Variants in ESPNL observed in about 807,000 individuals in gnomAD.
ESPNL encodes espin like, also known as espin-like protein.
ESPNL carries 49 observed loss-of-function variants against 46.8 expected under a neutral mutation model. The ratio of observed to expected loss-of-function variants is 1.05; its 90% CI spans 0.83 to 1.33. ESPNL has a LOEUF of 1.33. Ranked by LOEUF, ESPNL falls within the 40% of genes most tolerant of loss-of-function variation. ESPNL has a pLI of 0.00. For missense variants in ESPNL, 1,540 were observed against 1,436.6 expected, an observed-to-expected ratio of 1.07 and a Z score of -1.16; for synonymous variants, 664 against 662.1, an observed-to-expected ratio of 1.00 and a Z score of -0.04.
intron 8 of ESPNL, among the ~76,000 whole-genome samples, chr2:238,129,633 A>G (rs544192404): frequency 2.0e-5 from 3 of 152,360 alleles, no homozygotes; most frequent in Admixed American, 6.5e-5. Context: ...GAGTTCAGGA[A>G]TTATGTCCTC....
chr2:238,130,000 T>C, intron 8 of ESPNL, 128 bp from the exon 9 acceptor site: 1 of 1,090,936 alleles, frequency 9.2e-7, no homozygotes, highest in Non-Finnish European at 1.3e-6. Context: ...GGAAGCCCTT[T>C]AAAGTCTTAC....
chr2:238,108,657 G>A (rs1691654367), intron 4 of ESPNL, among the ~76,000 whole-genome samples: 1 of 152,158 alleles, frequency 6.6e-6, no homozygotes, highest in South Asian at 2.1e-4. Flanking sequence ...AGCCTCCTGG[G>A]CCCAGGCTGC....
At chr2:238,111,172 C>T (rs1160783972) in intron 4 of ESPNL, among the ~76,000 whole-genome samples, 1 of 152,074 alleles carries the variant, frequency 6.6e-6, no homozygotes, top group Admixed American at 6.6e-5. Context: ...AATGATCCGC[C>T]CACCTCGGCC....
At chr2:238,126,527 C>A (rs1462976197) in intron 6 of ESPNL, among the ~76,000 whole-genome samples, 1 of 147,394 alleles carries the variant, frequency 6.8e-6, no homozygotes, top group Non-Finnish European at 1.5e-5. Flanking sequence ...GTCTATGCAT[C>A]TGTGTGTGAT....
Position 238,104,669 on chromosome 2 carries a change from C to G in ESPNL, c.499C>G (p.Arg167Gly). ...CCTTCCCTGCAGCAGCGTGAACCGGCGGACACGCAGTGGCGCCTCCCCACT... is the reference window on the plus strand; with the variant it reads ...CCTTCCCTGCAGCAGCGTGAACCGGGGGACACGCAGTGGCGCCTCCCCACT... ...TAAHGSSVNR[R>G]TRSGASPLYL... The change falls in exon 3 of 9, where the codon CGG (arginine) becomes GGG (glycine). Residue 167 changes from arginine to glycine, a missense_variant. Physicochemically the swap from Arg to Gly is moderately radical, Grantham distance 125. Coordinates refer to ENST00000343063, the MANE Select transcript of ESPNL (RefSeq NM_194312.4). The G allele has an allele frequency of 6.3e-7, 1 of 1,594,176 alleles. No homozygotes were observed.
chr2:238,128,103 T>C (rs1692182305), intron 7 of ESPNL, among the ~76,000 whole-genome samples: 1 of 152,214 alleles, frequency 6.6e-6, no homozygotes, highest in African/African-American at 2.4e-5. Context: ...GTCCTCCTCC[T>C]CAGGGCCTCG....
chr2:238,116,860 G>A, intron 4 of ESPNL, 43 bp from the exon 5 acceptor site: 6 of 1,603,892 alleles, frequency 3.7e-6, no homozygotes, highest in Non-Finnish European at 5.1e-6. Flanking sequence ...TGGGCACCTG[G>A]TTTGTGTCGT....
intron 5 of ESPNL, among the ~76,000 whole-genome samples, chr2:238,124,624 C>T (rs188183006): frequency 7.7e-4 from 107 of 139,382 alleles, no homozygotes; most frequent in Middle Eastern, 4.0e-3. Context: ...AGGGTACATG[C>T]GTGTGTGTGC....
rs958963376 is a variant in ESPNL at position 238,121,066 on chromosome 2, G to A, written c.987+4032G>A. Among the ~76,000 whole-genome samples, 10 of 152,260 alleles carry A rather than the reference G, an allele frequency of 6.6e-5. 1 individual carries two copies. The highest frequency in any genetic ancestry group is 4.1e-4 in the South Asian group (2 of 4,826). On this transcript the variant is annotated intron_variant, in intron 5 of 8. Transcript: ENST00000343063. Reference sequence around the variant, plus strand: ...CCTTTGTGTTGGGTCTGTGGGGCCCGCCCAGCTCGGGCTCTGCTCAGGGTG... The same window carrying A: ...CCTTTGTGTTGGGTCTGTGGGGCCCACCCAGCTCGGGCTCTGCTCAGGGTG...
chr2:238,130,301 G>A lies in ESPNL; in HGVS notation c.1587G>A (p.Glu529=). The change falls in exon 9 of 9, where the codon GAG becomes GAA. Residue 529 remains glutamate, a synonymous_variant. Transcript: ENST00000343063. ...LRRRCQEYES[E]LGRLAAELQA... The stretch of plus-strand genomic sequence containing the variant: ...GCCGCTGTCAGGAGTATGAGAGTGA[G>A]CTGGGCCGGTTGGCGGCTGAGCTGC... The A allele has an allele frequency of 1.2e-6, 2 of 1,606,998 alleles. No individual in the cohort carries two copies. The highest frequency in any genetic ancestry group is 1.7e-6 in the Non-Finnish European group (2 of 1,177,318).
In ESPNL at chr2:238,116,964, C is replaced by T. The variant is rs772842572; in HGVS notation, c.917C>T (p.Thr306Met). ...TCCCTGCGGGATGAAGATGGTTACACGGCGGCAGACCTGGCGGAGTACCAT... is the reference window on the plus strand; with the variant it reads ...TCCCTGCGGGATGAAGATGGTTACATGGCGGCAGACCTGGCGGAGTACCAT... ...DPSLRDEDGY[T>M]AADLAEYHGH... The change falls in exon 5 of 9, where the codon ACG (threonine) becomes ATG (methionine). Residue 306 changes from threonine to methionine, a missense_variant. Transcript: ENST00000343063. The T allele has an allele frequency of 4.7e-5, 76 of 1,612,460 alleles. No homozygotes were observed. The highest frequency in any genetic ancestry group is 1.2e-4 in the South Asian group (11 of 91,084).
chr2:238,117,414 C>T (rs1437046392), intron 5 of ESPNL, among the ~76,000 whole-genome samples: 1 of 152,208 alleles, frequency 6.6e-6, no homozygotes, highest in African/African-American at 2.4e-5. Flanking sequence ...TGCCTTTCGT[C>T]TGGGTCACAG....
Position 238,102,036 on chromosome 2 carries a change from C to T in ESPNL, c.390C>T (p.Ala130=). The T allele has an allele frequency of 6.2e-7, 1 of 1,605,410 alleles. No homozygotes were observed. The highest frequency in any genetic ancestry group is 2.2e-5 in the East Asian group (1 of 44,624). ...VEWLLHEGHS[A]TLETREGARP... The stretch of plus-strand genomic sequence containing the variant: ...GGCTGCTCCACGAGGGCCACTCGGC[C>T]ACGCTAGAGACCCGGGAGGGAGCCC... The change falls in exon 2 of 9, where the codon GCC becomes GCT. Residue 130 remains alanine, a synonymous_variant. Coordinates refer to ENST00000343063, the MANE Select transcript of ESPNL (RefSeq NM_194312.4).
At chr2:238,103,271 A>G (rs1467743667) in intron 2 of ESPNL, among the ~76,000 whole-genome samples, 4 of 152,146 alleles carry the variant, frequency 2.6e-5, no homozygotes, top group Non-Finnish European at 5.9e-5. Context: ...AAAAAAATTT[A>G]TTTAAAAATT....
intron 1 of ESPNL, 68 bp downstream of exon 1, chr2:238,100,781 C>T (rs150881086): frequency 3.0e-6 from 4 of 1,342,724 alleles, no homozygotes; most frequent in East Asian, 3.0e-5. Context: ...GTGTGAGCCA[C>T]GGAGGATCAG....
chr2:238,109,648 T>C (rs1691674363), intron 4 of ESPNL, among the ~76,000 whole-genome samples: 1 of 152,260 alleles, frequency 6.6e-6, no homozygotes, highest in African/African-American at 2.4e-5. Context: ...TGAGCCACTA[T>C]GCCCAGCCTT....
In ESPNL at chr2:238,131,563, C is replaced by T; in HGVS notation, c.2849C>T (p.Pro950Leu). 6.2e-7 allele frequency: 1 copy of T among 1,611,128 alleles called. No homozygotes were observed. The highest frequency in any genetic ancestry group is 1.7e-5 in the Admixed American group (1 of 59,856). The stretch of plus-strand genomic sequence containing the variant: ...AAGTCAGGTCTGACCCTGCTCGGGC[C>T]CCTGCCTCACGCCGCCGTCCCCTGC... Reference protein sequence around the residue: ...GRKSGLTLLGPLPHAAVPCSG... With the variant: ...GRKSGLTLLGLLPHAAVPCSG... The change falls in exon 9 of 9, where the codon CCC (proline) becomes CTC (leucine). Residue 950 changes from proline (P) to leucine (L), a missense_variant. Physicochemically the swap from Pro to Leu is moderately conservative, Grantham distance 98. Transcript: ENST00000343063.
At chr2:238,124,765 A>G (rs1457875730) in intron 5 of ESPNL, among the ~76,000 whole-genome samples, 2 of 145,130 alleles carry the variant, frequency 1.4e-5, no homozygotes, top group Non-Finnish European at 3.0e-5. Context: ...AGGAGAGTGT[A>G]CATGCGTGTG....
At chr2:238,119,549 GT>G (rs1691937938) in intron 5 of ESPNL, among the ~76,000 whole-genome samples, 2 of 125,094 alleles carry the variant, frequency 1.6e-5, no homozygotes. Context: ...GATGGAGGAG[GT>G]GGATGAAGGA....
Sources: allele counts gnomAD v4.1 joint callset (sites outside exome capture counted in the v4.1 genomes callset), GRCh38; gene constraint gnomAD v4.1.1; transcripts MANE v1.5; gene names NCBI Gene and HGNC (gene_info 2026-07-23, HGNC 2026-07-21).